Variants in LZTFL1 observed in about 807,000 individuals in gnomAD.
LZTFL1 encodes leucine zipper transcription factor like 1, also known as leucine zipper transcription factor-like protein 1.
In LZTFL1, 25 loss-of-function variants were observed where a neutral mutation model predicts 45.9. The observed-to-expected ratio is 0.54, with a 90% CI of 0.40 to 0.76. The LOEUF (loss-of-function observed/expected upper bound fraction) is 0.76. Among genes scored for constraint, LZTFL1 ranks in the 30% least tolerant of loss-of-function variants. LZTFL1 has a pLI of 0.00. For missense variants in LZTFL1, 277 were observed against 331.1 expected (o/e 0.84, Z 1.27); for synonymous variants, 93 against 117.4 (o/e 0.79, Z 1.35).
chr3:45,891,416 T>C (rs1161056081), intron 2 of LZTFL1, among the ~76,000 whole-genome samples: 6 of 152,240 alleles, frequency 3.9e-5, no homozygotes, highest in African/African-American at 1.4e-4. Context: ...TTTGTCCTAC[T>C]GGCTTTATTA....
In LZTFL1 at chr3:45,901,705, C is replaced by A. The variant is rs1436672837; in HGVS notation, c.-215+11415G>T. ...TGCTTCCAGGTCACCCAGACCATCG[C>A]CTTCTTCCACAGTTGCCTGAACCCT... On this transcript the variant is annotated intron_variant, in intron 2 of 4. Transcript: ENST00000472635. The surrounding 1 kb of genome is among the most constrained non-coding windows in gnomAD (Gnocchi z 4.3). 1.9e-6 allele frequency: 3 copies of A among 1,614,182 alleles called. No homozygotes were observed. The highest frequency in any genetic ancestry group is 2.5e-6 in the Non-Finnish European group (3 of 1,179,984).
intron 2 of LZTFL1, among the ~76,000 whole-genome samples, chr3:45,887,551 C>T (rs1702020035): frequency 6.6e-6 from 1 of 152,216 alleles, no homozygotes; most frequent in Non-Finnish European, 1.5e-5. Flanking sequence ...CTGGCAAGTC[C>T]ATCCAGAGAG....
At chr3:45,872,419 A>C (rs1385547355) in intron 2 of LZTFL1, among the ~76,000 whole-genome samples, 1 of 152,034 alleles carries the variant, frequency 6.6e-6, no homozygotes, top group Non-Finnish European at 1.5e-5. Flanking sequence ...TTGTGTTTCC[A>C]CTCTTTGTGA....
intron 2 of LZTFL1, among the ~76,000 whole-genome samples, chr3:45,893,254 A>G (rs2125747377): frequency 6.6e-6 from 1 of 151,974 alleles, no homozygotes; most frequent in East Asian, 1.9e-4. Context: ...TCCCAGGTTC[A>G]AGTGATCCTC....
At chr3:45,895,032 C>T in intron 2 of LZTFL1, 1 of 1,393,636 alleles carries the variant, frequency 7.2e-7, no homozygotes, top group Non-Finnish European at 1.0e-6. Context: ...GAAGGATCCA[C>T]TGTGGGGGAA....
chr3:45,887,274 T>TGA (rs1437934685), intron 2 of LZTFL1, among the ~76,000 whole-genome samples: 1 of 151,752 alleles, frequency 6.6e-6, no homozygotes, highest in Non-Finnish European at 1.5e-5. Flanking sequence ...TGTGTGTGTG[T>TGA]GAGGTTGTGT....
chr3:45,898,949 C>T (rs1985356), intron 2 of LZTFL1, among the ~76,000 whole-genome samples: 43,048 of 152,138 alleles, frequency 0.28, 8,485 homozygotes, highest in African/African-American at 0.56. Context: ...GGGTGGATTA[C>T]GAGGTCAGAA....
In LZTFL1 at chr3:45,837,882, G is replaced by T; in HGVS notation, c.128+45C>A. ...GCACCCCCATACTGGCTACCAGAAA[G>T]AATCCATGTTCCTATTTGGTTTGCT... is the stretch of plus-strand genomic sequence containing the variant. On this transcript the variant is annotated intron_variant, in intron 2 of 9. Coordinates refer to ENST00000296135, the MANE Select transcript of LZTFL1 (RefSeq NM_020347.4). 3.9e-6 allele frequency: 6 copies of T among 1,545,020 alleles called. No individual in the cohort carries two copies. The South Asian group carries it at 7.5e-5, about 19-fold the overall frequency.
Position 45,842,036 on chromosome 3 carries a change from G to T in LZTFL1, c.-45C>A. The T allele has an allele frequency of 6.2e-7, 1 of 1,601,412 alleles. No homozygotes were observed. Among genetic ancestry groups the T allele is most frequent in the Non-Finnish European group, 8.5e-7 (1 of 1,176,260 alleles). On this transcript the variant is annotated 5_prime_UTR_variant, in exon 1 of 10. Coordinates refer to ENST00000296135, the MANE Select transcript of LZTFL1 (RefSeq NM_020347.4). ...AGCCTAAAGGAACGGGAGAGGCCAG[G>T]CGGTGCCCCGCCAAGCCTGGGATCG... is the stretch of plus-strand genomic sequence containing the variant.
At chr3:45,829,976 G>A (rs553558736) in intron 7 of LZTFL1, among the ~76,000 whole-genome samples, 24 of 152,182 alleles carry the variant, frequency 1.6e-4, no homozygotes, top group Non-Finnish European at 3.1e-4. Flanking sequence ...CAACGTCTGA[G>A]ATTTGCTTCA....
rs910002526 is a variant in LZTFL1, at chr3:45,824,918, G to A, written c.*1396C>T. The stretch of plus-strand genomic sequence containing the variant: ...GAAAATACATAGTAAATGCTGGCTC[G>A]TTATTGCATTTTATTCTCTCCCTTC... On this transcript the variant is annotated 3_prime_UTR_variant, in exon 10 of 10. Coordinates refer to ENST00000296135, the MANE Select transcript of LZTFL1 (RefSeq NM_020347.4). 6 of 398,216 alleles carry A rather than the reference G, an allele frequency of 1.5e-5. No individual in the cohort carries two copies. The highest frequency in any genetic ancestry group is 2.7e-5 in the Non-Finnish European group (6 of 225,912). 24.7% of individuals were successfully genotyped at this position (398,216 alleles called of 1,614,324 possible). A position where few individuals can be genotyped will look rare whatever the true frequency, so the allele number is the denominator to read the frequency against.
At chr3:45,856,946 G>A (rs1701403268) in intron 3 of LZTFL1, among the ~76,000 whole-genome samples, 1 of 152,222 alleles carries the variant, frequency 6.6e-6, no homozygotes, top group Non-Finnish European at 1.5e-5. Flanking sequence ...TTCAATCATT[G>A]TGGAAGACAG....
At chr3:45,884,922 T>C in intron 2 of LZTFL1, among the ~76,000 whole-genome samples, 1 of 152,192 alleles carries the variant, frequency 6.6e-6, no homozygotes. Context: ...CTCAGCTATG[T>C]ATAGTTTCAG....
intron 2 of LZTFL1, among the ~76,000 whole-genome samples, chr3:45,887,382 G>A (rs1242331108): frequency 1.3e-5 from 2 of 152,164 alleles, no homozygotes; most frequent in Admixed American, 6.5e-5. Flanking sequence ...TATTATGTAT[G>A]TTGGCATTTT....
At chr3:45,867,334 G>C (rs1483060561) in intron 2 of LZTFL1, among the ~76,000 whole-genome samples, 1 of 152,060 alleles carries the variant, frequency 6.6e-6, no homozygotes, top group Non-Finnish European at 1.5e-5. Context: ...GACAATGCTG[G>C]CAGAGAGTAA....
chr3:45,833,522 A>C (rs1283373361), intron 4 of LZTFL1, among the ~76,000 whole-genome samples: 2 of 152,202 alleles, frequency 1.3e-5, no homozygotes, highest in Non-Finnish European at 2.9e-5. Context: ...CTCTGTGAAA[A>C]ACAATAATAT....
At chr3:45,912,393 A>C (rs1265425039) in intron 2 of LZTFL1, among the ~76,000 whole-genome samples, 3 of 152,204 alleles carry the variant, frequency 2.0e-5, no homozygotes. Context: ...AGTTCCTCCC[A>C]TCCAGAGGAG....
At position 45,851,020 on chromosome 3, in the gene LZTFL1, C is replaced by A. The variant is rs1040508295; in HGVS notation, c.-49+3966G>T. On this transcript the variant is annotated intron_variant, in intron 4 of 4. Transcript: ENST00000472635. Reference sequence around the variant, plus strand: ...CACCCCTTTGTCATGGCTTTACCTGCTGTTCTTCAGAAACCTTCAGCTCCA... The same window carrying A: ...CACCCCTTTGTCATGGCTTTACCTGATGTTCTTCAGAAACCTTCAGCTCCA... Among the ~76,000 whole-genome samples, 14 of 152,148 alleles carry A rather than the reference C, an allele frequency of 9.2e-5. 1 individual carries two copies. The highest frequency in any genetic ancestry group is 2.6e-4 in the Admixed American group (4 of 15,272).
upstream of LZTFL1, among the ~76,000 whole-genome samples, chr3:45,846,612 ATAAAG>A (rs1222942503): frequency 6.6e-6 from 1 of 152,246 alleles, no homozygotes; most frequent in Non-Finnish European, 1.5e-5. Context: ...TATTATTTCC[ATAAAG>A]TAAGCTAGAG....
Sources: allele counts gnomAD v4.1 joint callset (sites outside exome capture counted in the v4.1 genomes callset), GRCh38; gene constraint gnomAD v4.1.1; non-coding constraint Gnocchi (gnomAD v3.1); transcripts MANE v1.5; gene names NCBI Gene and HGNC (gene_info 2026-07-23, HGNC 2026-07-21).